The following ANO3 variants were observed in gnomAD, a reference collection of about 807,000 sequenced individuals.
ANO3 encodes the protein anoctamin-3.
A neutral mutation model predicts 144.8 loss-of-function variants in ANO3; 99 were observed. The observed-to-expected ratio is 0.68, with a 90% CI of 0.58 to 0.81. The LOEUF (loss-of-function observed/expected upper bound fraction) is 0.81, where lower values mean the gene tolerates loss of function less well. ANO3 is among the 30% of genes least tolerant of loss of function. ANO3 has a pLI of 0.00. For missense variants in ANO3, 905 were observed against 1,202.2 expected (o/e 0.75, Z 3.66); for synonymous variants, 414 against 392.6 (o/e 1.05, Z -0.64).
chr11:26,364,756 C>T (rs367549766), intron 1 of ANO3, among the ~76,000 whole-genome samples: 1 of 152,204 alleles, frequency 6.6e-6, no homozygotes, highest in African/African-American at 2.4e-5. Context: ...GTGATCAAAT[C>T]ATCTCCTACC....
At position 26,354,365 on chromosome 11, in the gene ANO3, A is replaced by G. The variant is rs150101181; in HGVS notation, c.46+22044A>G. 9.3e-4 allele frequency among the ~76,000 whole-genome samples: 141 copies of G among 152,350 alleles called. 2 individuals carry two copies. The highest frequency in any genetic ancestry group is 3.2e-3 in the African/African-American group (135 of 41,582). ...TTTGGAGGTGATGAATAAATTCAGG[A>G]CACTGGATAGTGATGATGGCTTGAT... On this transcript the variant is annotated intron_variant, in intron 1 of 26. Transcript: ENST00000256737.
At chr11:26,222,561 T>C (rs528470198) in intron 1 of ANO3, among the ~76,000 whole-genome samples, 1 of 152,328 alleles carries the variant, frequency 6.6e-6, no homozygotes, top group African/African-American at 2.4e-5. Flanking sequence ...ACTGCCTTAG[T>C]AGAGTATCTC....
chr11:26,356,729 C>T (rs1294589231), intron 1 of ANO3, among the ~76,000 whole-genome samples: 1 of 152,154 alleles, frequency 6.6e-6, no homozygotes, highest in Non-Finnish European at 1.5e-5. Flanking sequence ...TGGTTAAAGT[C>T]AAATTGTTGC....
intron 14 of ANO3, among the ~76,000 whole-genome samples, chr11:26,570,006 T>G (rs1850756450): frequency 6.6e-6 from 1 of 152,066 alleles, no homozygotes; most frequent in Non-Finnish European, 1.5e-5. Context: ...AGGTTTAGGA[T>G]CATCACAAAC....
At chr11:26,335,375 C>A (rs1403454947) in intron 1 of ANO3, among the ~76,000 whole-genome samples, 1 of 152,118 alleles carries the variant, frequency 6.6e-6, no homozygotes, top group Non-Finnish European at 1.5e-5. Flanking sequence ...GGACTCTTAG[C>A]AGTTCCCTTA....
intron 3 of ANO3, among the ~76,000 whole-genome samples, chr11:26,461,198 C>T (rs1194221529): frequency 6.6e-6 from 1 of 152,106 alleles, no homozygotes; most frequent in Non-Finnish European, 1.5e-5. Flanking sequence ...ACACAAAACA[C>T]TCTATGCCTT....
At chr11:26,547,638 A>G in intron 12 of ANO3, 88 bp downstream of exon 12, 4 of 1,278,976 alleles carry the variant, frequency 3.1e-6, no homozygotes, top group Non-Finnish European at 4.4e-6. Context: ...TAAAAAATCA[A>G]ATGGTTGATG....
chr11:26,386,142 A>G (rs12270690), intron 1 of ANO3, among the ~76,000 whole-genome samples: 40,327 of 151,980 alleles, frequency 0.27, 6,010 homozygotes, highest in African/African-American at 0.4. Context: ...AAGTGAGAAT[A>G]TATTCAGAGA....
At chr11:26,482,701 C>T (rs1281634073) in intron 4 of ANO3, among the ~76,000 whole-genome samples, 1 of 152,078 alleles carries the variant, frequency 6.6e-6, no homozygotes, top group Non-Finnish European at 1.5e-5. Context: ...ATTAGTGTAT[C>T]CATGACCTGA....
chr11:26,637,049 G>A (rs1852984274), intron 20 of ANO3, among the ~76,000 whole-genome samples: 1 of 152,136 alleles, frequency 6.6e-6, no homozygotes, highest in East Asian at 1.9e-4. Context: ...ACTCACTCAT[G>A]CCCTTTTACA....
rs12294205 is a variant in ANO3, at chr11:26,484,514, A to G, written c.432+21366A>G. ...TTATGAGCCTCCACCTAGATTTCAC[A>G]GGATATATGGAAATGCTTGGATGTC... On this transcript the variant is annotated intron_variant, in intron 4 of 26. Transcript: ENST00000256737. 4.6e-3 allele frequency among the ~76,000 whole-genome samples: 699 copies of G among 152,278 alleles called. 3 individuals are homozygous for G. The highest frequency in any genetic ancestry group is 0.016 in the African/African-American group (663 of 41,562).
intron 1 of ANO3, among the ~76,000 whole-genome samples, chr11:26,220,140 CT>C (rs1466184352): frequency 6.6e-6 from 1 of 152,234 alleles, no homozygotes; most frequent in East Asian, 1.9e-4. Flanking sequence ...GGTACCTCCA[CT>C]TAGCTGAGCT....
At chr11:26,303,565 C>G (rs73441541) in intron 1 of ANO3, among the ~76,000 whole-genome samples, 11,096 of 152,038 alleles carry the variant, frequency 0.073, 1,347 homozygotes, top group African/African-American at 0.25. Flanking sequence ...GAGGAAGGAA[C>G]GCATGGACTG....
intron 24 of ANO3, among the ~76,000 whole-genome samples, chr11:26,649,779 G>A (rs1853468165): frequency 6.6e-6 from 1 of 152,046 alleles, no homozygotes. Context: ...TTAAGAAGTG[G>A]TGTCTGAAAT....
chr11:26,255,779 A>C (rs938106436), intron 1 of ANO3, among the ~76,000 whole-genome samples: 2 of 152,144 alleles, frequency 1.3e-5, no homozygotes, highest in African/African-American at 4.8e-5. Context: ...TTCCTGGAGC[A>C]AACAACTAAA....
At chr11:26,330,278 A>T (rs1855003373), upstream of ANO3, among the ~76,000 whole-genome samples, 1 of 150,712 alleles carries the variant, frequency 6.6e-6, no homozygotes, top group South Asian at 2.1e-4. Flanking sequence ...AACAAAATTT[A>T]AAAAAAACAT....
chr11:26,457,411 C>T (rs1859210239), intron 3 of ANO3, among the ~76,000 whole-genome samples: 1 of 149,938 alleles, frequency 6.7e-6, no homozygotes, highest in South Asian at 2.1e-4. Context: ...TACATTGTTT[C>T]CTATCTACTT....
intron 1 of ANO3, among the ~76,000 whole-genome samples, chr11:26,412,677 T>C (rs1453543650): frequency 6.6e-6 from 1 of 151,870 alleles, no homozygotes; most frequent in African/African-American, 2.4e-5. Context: ...AGTACAGTGG[T>C]AAAGATACAG....
chr11:26,625,193 G>T (rs2133011886), intron 18 of ANO3, among the ~76,000 whole-genome samples: 1 of 152,292 alleles, frequency 6.6e-6, no homozygotes, highest in African/African-American at 2.4e-5. Context: ...CCAAAATGCT[G>T]GGATTACAGG....
Sources: allele counts gnomAD v4.1 joint callset (sites outside exome capture counted in the v4.1 genomes callset), GRCh38; gene constraint gnomAD v4.1.1; transcripts MANE v1.5; gene names NCBI Gene and HGNC (gene_info 2026-07-23, HGNC 2026-07-21).